The following PCSK2 variants were observed in gnomAD, a reference collection of about 807,000 sequenced individuals.
PCSK2 encodes neuroendocrine convertase 2.
In PCSK2, 14 loss-of-function variants were observed where a neutral mutation model predicts 69.7. The observed-to-expected ratio is 0.20, with a 90% CI of 0.13 to 0.31. The LOEUF is 0.31. Among genes scored for constraint, PCSK2 ranks in the 10% least tolerant of loss-of-function variants. The pLI is 1.00. For missense variants in PCSK2, 544 were observed against 842.5 expected, an observed-to-expected ratio of 0.65 and a Z score of 4.39; for synonymous variants, 307 against 320.7, an observed-to-expected ratio of 0.96 and a Z score of 0.46.
chr20:17,384,840 A>T (rs575611986), intron 5 of PCSK2, among the ~76,000 whole-genome samples: 2 of 152,068 alleles, frequency 1.3e-5, no homozygotes, highest in African/African-American at 2.4e-5. Context: ...TTGAGACGGG[A>T]GGATCTATTG....
intron 6 of PCSK2, among the ~76,000 whole-genome samples, chr20:17,410,956 T>G (rs940970361): frequency 6.6e-6 from 1 of 152,232 alleles, no homozygotes; most frequent in Admixed American, 6.5e-5. Flanking sequence ...TAGTAGGTAC[T>G]AAATTAGTCT....
At chr20:17,249,367 G>A (rs1986885863) in intron 1 of PCSK2, among the ~76,000 whole-genome samples, 3 of 151,636 alleles carry the variant, frequency 2.0e-5, no homozygotes, top group Admixed American at 2.0e-4. Context: ...ATTAGCCAGG[G>A]GTGGTGGTGG....
intron 5 of PCSK2, among the ~76,000 whole-genome samples, chr20:17,382,323 A>G (rs1476402766): frequency 1.3e-5 from 2 of 152,180 alleles, no homozygotes; most frequent in African/African-American, 4.8e-5. Context: ...AAGCCAGTGA[A>G]GTGGGTACTT....
Position 17,465,442 on chromosome 20 carries a change from A to G in PCSK2, c.1319A>G (p.His440Arg). ...AATGGGGTCGGCCTGGAATTTAATC[A>G]CCTCTTTGGCTACGGGGTCCTTGAT... ...RRNGVGLEFN[H>R]LFGYGVLDAG... The change falls in exon 11 of 12, where the codon CAC becomes CGC. Residue 440 changes from histidine (H) to arginine (R), a missense_variant. His to Arg is a conservative substitution (Grantham distance 29). Transcript: ENST00000262545. The G allele has an allele frequency of 6.2e-7, 1 of 1,613,986 alleles. No individual in the cohort carries two copies. Among genetic ancestry groups the G allele is most frequent in the Non-Finnish European group, 8.5e-7 (1 of 1,179,978 alleles).
chr20:17,317,987 TACAG>T (rs1391133834), intron 2 of PCSK2, among the ~76,000 whole-genome samples: 2 of 152,228 alleles, frequency 1.3e-5, no homozygotes, highest in Admixed American at 1.3e-4. Context: ...GATTCTATTT[TACAG>T]ACAGTCTCTT....
intron 1 of PCSK2, among the ~76,000 whole-genome samples, chr20:17,243,100 C>T (rs1320549297): frequency 2.0e-5 from 3 of 152,154 alleles, no homozygotes; most frequent in African/African-American, 7.2e-5. Flanking sequence ...ATGGCCCAGC[C>T]ATGCCCGTCC....
intron 2 of PCSK2, among the ~76,000 whole-genome samples, chr20:17,354,603 T>C (rs1427613092): frequency 3.3e-5 from 5 of 152,204 alleles, no homozygotes; most frequent in African/African-American, 1.2e-4. Flanking sequence ...TTATTTATAA[T>C]GGAAAACAAT....
intron 9 of PCSK2, among the ~76,000 whole-genome samples, chr20:17,454,768 C>G (rs1207025439): frequency 2.0e-5 from 3 of 152,194 alleles, no homozygotes; most frequent in Admixed American, 1.3e-4. Flanking sequence ...CCCATCTCCA[C>G]TGAGGCTTCT....
At chr20:17,244,646 T>C (rs1986706970) in intron 1 of PCSK2, among the ~76,000 whole-genome samples, 1 of 152,206 alleles carries the variant, frequency 6.6e-6, no homozygotes, top group African/African-American at 2.4e-5. Flanking sequence ...ACTTTCCAGT[T>C]AATAAATTAT....
At chr20:17,233,380 C>T (rs964800764) in intron 1 of PCSK2, among the ~76,000 whole-genome samples, 8 of 152,182 alleles carry the variant, frequency 5.3e-5, no homozygotes, top group African/African-American at 1.9e-4. Context: ...ACTAGTGACA[C>T]TCTTTTCCTC....
At chr20:17,341,846 AC>A (rs1434553015) in intron 2 of PCSK2, among the ~76,000 whole-genome samples, 2 of 144,850 alleles carry the variant, frequency 1.4e-5, no homozygotes, top group African/African-American at 5.0e-5. Context: ...TATCTCCACA[AC>A]TTTTTTTTTC....
At position 17,484,222 on chromosome 20, in the gene PCSK2, G is replaced by C. The variant is rs1182566605; in HGVS notation, c.*2152G>C. The C allele has an allele frequency of 2.0e-5, 3 of 152,308 alleles. No homozygotes were observed. Among genetic ancestry groups the C allele is most frequent in the Admixed American group, 6.6e-5 (1 of 15,246 alleles). 9.4% of individuals were successfully genotyped at this position (152,308 alleles called of 1,614,324 possible). ...AGTTGTCCATATTTTCACAGGTGTG[G>C]TGTAATTTATAAAATTAGAAAGCAA... On this transcript the variant is annotated 3_prime_UTR_variant, in exon 12 of 12. Transcript: ENST00000262545.
chr20:17,242,925 G>A (rs1986635805), intron 1 of PCSK2, among the ~76,000 whole-genome samples: 1 of 152,122 alleles, frequency 6.6e-6, no homozygotes, highest in Non-Finnish European at 1.5e-5. Flanking sequence ...CTCATTGGTG[G>A]GTTTTATGGG....
At chr20:17,251,198 G>A (rs760958546) in intron 1 of PCSK2, among the ~76,000 whole-genome samples, 2 of 152,130 alleles carry the variant, frequency 1.3e-5, no homozygotes, top group African/African-American at 2.4e-5. Context: ...AAAGTAGAAA[G>A]TTTTTGGAAA....
chr20:17,234,702 T>G (rs1182059640), intron 1 of PCSK2, among the ~76,000 whole-genome samples: 1 of 152,182 alleles, frequency 6.6e-6, no homozygotes, highest in African/African-American at 2.4e-5. Context: ...GAAATCAATT[T>G]CTATTTCAGA....
chr20:17,242,092 G>T (rs550048225), intron 1 of PCSK2, among the ~76,000 whole-genome samples: 1 of 152,310 alleles, frequency 6.6e-6, no homozygotes, highest in East Asian at 1.9e-4. Flanking sequence ...TGGACAGTGA[G>T]CTCAGCCCTA....
At chr20:17,242,167 T>C (rs1986601871) in intron 1 of PCSK2, among the ~76,000 whole-genome samples, 1 of 151,840 alleles carries the variant, frequency 6.6e-6, no homozygotes, top group African/African-American at 2.4e-5. Context: ...TGGGGAAGAG[T>C]GGATCCTGGA....
At chr20:17,287,058 A>G (rs1378766730) in intron 2 of PCSK2, among the ~76,000 whole-genome samples, 1 of 152,150 alleles carries the variant, frequency 6.6e-6, no homozygotes, top group South Asian at 2.1e-4. Flanking sequence ...TAAGCGGACC[A>G]TAGTCTTTTC....
chr20:17,296,750 G>T (rs547811810), intron 2 of PCSK2, among the ~76,000 whole-genome samples: 2 of 152,254 alleles, frequency 1.3e-5, no homozygotes, highest in East Asian at 3.9e-4. Flanking sequence ...GTGTGAGAAG[G>T]ATTTTTCTTG....
Sources: allele counts gnomAD v4.1 joint callset (sites outside exome capture counted in the v4.1 genomes callset), GRCh38; gene constraint gnomAD v4.1.1; transcripts MANE v1.5; gene names NCBI Gene and HGNC (gene_info 2026-07-23, HGNC 2026-07-21).